DMD: variants seen among roughly 807,000 people sequenced by gnomAD.
DMD encodes the protein dystrophin, also known as mutant dystrophin.
Under a neutral mutation model 330.1 loss-of-function variants are expected in DMD, and 63 were observed. The observed-to-expected ratio is 0.19, with a 90% CI of 0.16 to 0.24. The LOEUF (loss-of-function observed/expected upper bound fraction) is 0.24, where lower values mean the gene tolerates loss of function less well. DMD is among the 10% of genes least tolerant of loss of function. The pLI is 1.00. For missense variants in DMD, 3,344 were observed against 2,684.1 expected (o/e 1.25, Z -5.43); for synonymous variants, 1,223 against 959.8 (o/e 1.27, Z -5.07).
intron 43 of DMD, among the ~76,000 whole-genome samples, chrX:32,286,355 G>A (rs926977271): frequency 9.0e-6 from 1 of 111,728 alleles, no homozygotes; most frequent in African/African-American, 3.3e-5. Flanking sequence ...TGTTAGGAGC[G>A]ACTAATAGTT....
At chrX:32,109,339 T>C (rs1425126590) in intron 44 of DMD, among the ~76,000 whole-genome samples, 2 of 111,178 alleles carry the variant, frequency 1.8e-5, no homozygotes, top group African/African-American at 6.5e-5. Flanking sequence ...GGGGCTCTGA[T>C]ACATGGTTTC....
chrX:32,653,962 T>C (rs1414551019), intron 9 of DMD, among the ~76,000 whole-genome samples: 1 of 111,937 alleles, frequency 8.9e-6, no homozygotes, highest in Non-Finnish European at 1.9e-5. Context: ...TGTCTGTTAT[T>C]GGTGTATAAG....
intron 44 of DMD, among the ~76,000 whole-genome samples, chrX:32,191,059 T>A (rs1375183449): frequency 2.7e-5 from 3 of 110,892 alleles, no homozygotes; most frequent in African/African-American, 9.8e-5. Context: ...CAGGTCCCAA[T>A]TTTTCATTAT....
intron 4 of DMD, among the ~76,000 whole-genome samples, chrX:32,830,218 G>C (rs1486110624): frequency 9.0e-6 from 1 of 111,161 alleles, no homozygotes; most frequent in Non-Finnish European, 1.9e-5. Context: ...TTAGCTGTAA[G>C]TCATAACATT....
intron 11 of DMD, among the ~76,000 whole-genome samples, chrX:32,632,054 C>G (rs189381446): frequency 9.0e-6 from 1 of 111,494 alleles, no homozygotes; most frequent in Non-Finnish European, 1.9e-5. Context: ...CCTATGAGCC[C>G]GTAAAATCAA....
intron 41 of DMD, among the ~76,000 whole-genome samples, chrX:32,325,007 A>G (rs1316861745): frequency 8.9e-6 from 1 of 111,784 alleles, no homozygotes; most frequent in Non-Finnish European, 1.9e-5. Context: ...CAAAGAATGT[A>G]TAAGATCTAT....
chrX:32,531,326 T>C (rs2047460239), intron 17 of DMD, among the ~76,000 whole-genome samples: 1 of 111,378 alleles, frequency 9.0e-6, no homozygotes, highest in Non-Finnish European at 1.9e-5. Flanking sequence ...ATTTTCTGGA[T>C]TATGTAGCAA....
intron 45 of DMD, among the ~76,000 whole-genome samples, chrX:31,953,337 A>C (rs1278946798): frequency 1.8e-5 from 2 of 111,842 alleles, no homozygotes; most frequent in Non-Finnish European, 3.8e-5. Flanking sequence ...TGGAGTTTTA[A>C]ACTTCTGCTT....
intron 2 of DMD, among the ~76,000 whole-genome samples, chrX:32,979,850 A>C (rs1371955342): frequency 9.0e-6 from 1 of 111,459 alleles, no homozygotes; most frequent in East Asian, 2.8e-4. Context: ...AAGATGAAAA[A>C]GGAGGCTGAT....
intron 4 of DMD, among the ~76,000 whole-genome samples, chrX:32,842,431 C>A (rs1442497644): frequency 1.8e-5 from 2 of 112,051 alleles, no homozygotes; most frequent in Non-Finnish European, 3.8e-5. Context: ...CCCACACACC[C>A]CTGGGTGGAG....
chrX:31,398,381 G>A (rs142720924), intron 60 of DMD, among the ~76,000 whole-genome samples: 3,268 of 112,387 alleles, frequency 0.029, 128 homozygotes, highest in African/African-American at 0.096. Flanking sequence ...AAGACATAGC[G>A]AGAGGGCCAG....
chrX:31,708,775 T>A lies in DMD; in HGVS notation c.7660+20856A>T, dbSNP rs570459872. Among the ~76,000 whole-genome samples, 5 of 112,172 alleles carry A rather than the reference T, an allele frequency of 4.5e-5. No homozygotes were observed. In the South Asian group the frequency reaches 1.9e-3, roughly 42 times the overall value. ...CCAGTGATAAATAACCAAATTACAA[T>A]CTTAAATGATAGACACTAAAGTGTT... On this transcript the variant is annotated intron_variant, in intron 52 of 78. Coordinates refer to ENST00000357033, the MANE Select transcript of DMD (RefSeq NM_004006.3).
intron 1 of DMD, among the ~76,000 whole-genome samples, chrX:33,312,487 A>G (rs1039915838): frequency 2.7e-5 from 3 of 111,824 alleles, no homozygotes; most frequent in Non-Finnish European, 5.6e-5. Context: ...ATACACCTGC[A>G]TAACTTGAAT....
intron 2 of DMD, among the ~76,000 whole-genome samples, chrX:32,943,645 C>A (rs1264688655): frequency 9.0e-6 from 1 of 111,271 alleles, no homozygotes; most frequent in African/African-American, 3.3e-5. Flanking sequence ...TCAGTCTTTG[C>A]ACATAGATGT....
intron 60 of DMD, among the ~76,000 whole-genome samples, chrX:31,407,727 G>A (rs777355350): frequency 2.0e-3 from 214 of 107,491 alleles, no homozygotes; most frequent in African/African-American, 6.7e-3. Flanking sequence ...TGATCCATCC[G>A]CCTCGGCCTC....
chrX:31,729,693 G>T lies in DMD; in HGVS notation c.7598C>A (p.Ala2533Asp). 1 of 1,211,538 alleles carries T rather than the reference G, an allele frequency of 8.3e-7. No homozygotes were observed. The highest frequency in any genetic ancestry group is 1.8e-5 in the South Asian group (1 of 56,961). Residue 2533 changes from alanine to aspartate, a missense_variant, in exon 52 of 79, where the codon GCT becomes GAT. By Grantham distance (126) the Ala-to-Asp change is moderately radical. Transcript: ENST00000357033. ...RRPQLEELIT[A>D]AQNLKNKTSN... The stretch of plus-strand genomic sequence containing the variant: ...GGTCTTGTTTTTCAAATTTTGGGCA[G>T]CGGTAATGAGTTCTTCCAACTGGGG...
intron 16 of DMD, among the ~76,000 whole-genome samples, chrX:32,564,733 A>G (rs996473005): frequency 8.9e-6 from 1 of 111,933 alleles, no homozygotes; most frequent in African/African-American, 3.2e-5. Flanking sequence ...GCTGTCTTAA[A>G]TTGTATTCCT....
At chrX:32,706,045 C>T (rs1387589378) in intron 7 of DMD, among the ~76,000 whole-genome samples, 1 of 108,046 alleles carries the variant, frequency 9.3e-6, no homozygotes, top group East Asian at 3.0e-4. Context: ...ACTATGCAGT[C>T]ATAAAAAAGG....
intron 2 of DMD, among the ~76,000 whole-genome samples, chrX:32,862,765 G>A (rs2082164960): frequency 9.0e-6 from 1 of 110,917 alleles, no homozygotes; most frequent in Admixed American, 9.6e-5. Flanking sequence ...TGTTGTTGTT[G>A]AGACTCTGTC....
Sources: allele counts gnomAD v4.1 joint callset (sites outside exome capture counted in the v4.1 genomes callset), GRCh38; gene constraint gnomAD v4.1.1; transcripts MANE v1.5; gene names NCBI Gene and HGNC (gene_info 2026-07-23, HGNC 2026-07-21).